The following EYS variants were observed in gnomAD, a reference collection of about 807,000 sequenced individuals.
EYS encodes EGF-like photoreceptor maintenance factor, also known as protein eyes shut homolog.
EYS carries 250 observed loss-of-function variants against 282.1 expected under a neutral mutation model. The ratio of observed to expected loss-of-function variants is 0.89; its 90% CI spans 0.80 to 0.98. The LOEUF (loss-of-function observed/expected upper bound fraction) is 0.98, where lower values mean the gene tolerates loss of function less well. EYS is among the 50% of genes least tolerant of loss of function. The pLI is 0.00. For synonymous variants in EYS, 1,355 were observed against 1,282.9 expected, an observed-to-expected ratio of 1.06 and a Z score of -1.20; for missense variants, 4,016 against 3,709.0, an observed-to-expected ratio of 1.08 and a Z score of -2.15.
rs1764469336 is a variant in EYS, at chr6:65,571,292, A to C, written c.-333+68486T>G. ...ATATATAAAAAGAGAAGGATATCTG[A>C]GAGGTAAGTTATGGCAAGGTGACCA... On this transcript the variant is annotated intron_variant, in intron 2 of 42. Coordinates refer to ENST00000503581, the MANE Select transcript of EYS (RefSeq NM_001142800.2). Among the ~76,000 whole-genome samples the C allele has an allele frequency of 3.9e-5, 6 of 152,132 alleles. No individual in the cohort carries two copies. The South Asian group carries it at 1.2e-3, about 32-fold the overall frequency.
chr6:65,179,945 A>G (rs1765330735), intron 12 of EYS, among the ~76,000 whole-genome samples: 1 of 152,122 alleles, frequency 6.6e-6, no homozygotes. Flanking sequence ...AACAGAACCA[A>G]AGACAAAAAC....
At chr6:63,944,781 A>G (rs566529428) in intron 35 of EYS, among the ~76,000 whole-genome samples, 1 of 152,102 alleles carries the variant, frequency 6.6e-6, no homozygotes, top group East Asian at 1.9e-4. Context: ...TAAAAATAAA[A>G]AAAATAGCCA....
intron 22 of EYS, among the ~76,000 whole-genome samples, chr6:64,683,136 C>G (rs141379075): frequency 2.2e-3 from 340 of 152,332 alleles, no homozygotes; most frequent in East Asian, 9.5e-3. Flanking sequence ...TCCATGTCAT[C>G]TGTCTGCTAA....
At chr6:64,252,139 A>G (rs1418213983) in intron 30 of EYS, among the ~76,000 whole-genome samples, 1 of 152,074 alleles carries the variant, frequency 6.6e-6, no homozygotes, top group Admixed American at 6.6e-5. Flanking sequence ...GAAAAGTCCC[A>G]ATTTCTCTTT....
intron 26 of EYS, among the ~76,000 whole-genome samples, chr6:64,502,412 G>A (rs1057396281): frequency 3.9e-5 from 6 of 151,994 alleles, no homozygotes; most frequent in African/African-American, 9.7e-5. Context: ...TAGTAGAGAC[G>A]GGGTTTCACC....
chr6:64,114,875 G>A lies in EYS; in HGVS notation c.6425-32873C>T, dbSNP rs139911792. Among the ~76,000 whole-genome samples the A allele has an allele frequency of 3.7e-3, 559 of 152,086 alleles. 3 individuals are homozygous for A. Among genetic ancestry groups the A allele is most frequent in the Non-Finnish European group, 6.1e-3 (415 of 67,968 alleles). ...GGGGAGGGAGATGCTGCTTCCCCTCGCCCAACCCAACAAGAAGCTACAGAT... is the reference window on the plus strand; with the variant it reads ...GGGGAGGGAGATGCTGCTTCCCCTCACCCAACCCAACAAGAAGCTACAGAT... On this transcript the variant is annotated intron_variant, in intron 31 of 42. Coordinates refer to ENST00000503581, the MANE Select transcript of EYS (RefSeq NM_001142800.2).
intron 22 of EYS, among the ~76,000 whole-genome samples, chr6:64,785,124 G>A (rs1416763739): frequency 6.6e-6 from 1 of 152,072 alleles, no homozygotes; most frequent in African/African-American, 2.4e-5. Context: ...ATCCTGAACT[G>A]CAATTTCAAG....
At chr6:65,461,807 C>T (rs1764836120) in intron 5 of EYS, among the ~76,000 whole-genome samples, 1 of 151,968 alleles carries the variant, frequency 6.6e-6, no homozygotes, top group South Asian at 2.1e-4. Flanking sequence ...AATTAAAATG[C>T]CAAGTAACAG....
chr6:65,572,348 T>C (rs1764507087), intron 2 of EYS, among the ~76,000 whole-genome samples: 1 of 152,088 alleles, frequency 6.6e-6, no homozygotes, highest in East Asian at 1.9e-4. Context: ...TGGTTCTAGA[T>C]AGAGAAACAG....
chr6:64,338,107 A>C (rs2150394750), intron 29 of EYS, among the ~76,000 whole-genome samples: 1 of 152,154 alleles, frequency 6.6e-6, no homozygotes, highest in South Asian at 2.1e-4. Flanking sequence ...CCTCTTCAAC[A>C]TAGTACTGAA....
intron 14 of EYS, among the ~76,000 whole-genome samples, chr6:64,986,513 T>A (rs10671916): frequency 1.0e-4 from 15 of 150,132 alleles, no homozygotes; most frequent in South Asian, 2.1e-4. Context: ...TTTTTTTTTT[T>A]CTAATACTTC....
intron 24 of EYS, among the ~76,000 whole-genome samples, chr6:64,604,956 T>C (rs181431087): frequency 2.1e-4 from 32 of 152,178 alleles, no homozygotes; most frequent in African/African-American, 7.2e-4. Flanking sequence ...ACATTGACTA[T>C]GTATCAAACA....
chr6:63,733,185 T>A (rs573029905), intron 41 of EYS, among the ~76,000 whole-genome samples: 2 of 152,064 alleles, frequency 1.3e-5, no homozygotes, highest in Non-Finnish European at 2.9e-5. Context: ...TCAGAGAGGT[T>A]ATGGGGACCA....
chr6:63,874,364 T>C (rs1772905182), intron 35 of EYS, among the ~76,000 whole-genome samples: 1 of 152,236 alleles, frequency 6.6e-6, no homozygotes, highest in African/African-American at 2.4e-5. Context: ...ATCTCTGTTT[T>C]GGTACCAGTA....
chr6:64,403,084 A>T (rs1340517485), intron 28 of EYS, among the ~76,000 whole-genome samples: 1 of 152,150 alleles, frequency 6.6e-6, no homozygotes, highest in Non-Finnish European at 1.5e-5. Flanking sequence ...TACTAAGATC[A>T]TTGAAAATTT....
intron 29 of EYS, among the ~76,000 whole-genome samples, chr6:64,357,105 A>T (rs759525310): frequency 4.6e-4 from 70 of 151,834 alleles, no homozygotes; most frequent in Non-Finnish European, 5.3e-4. Flanking sequence ...ACAATTAATA[A>T]GTGGGTGACA....
chr6:64,260,913 G>C (rs1194098297), intron 30 of EYS, among the ~76,000 whole-genome samples: 2 of 151,384 alleles, frequency 1.3e-5, no homozygotes, highest in African/African-American at 4.9e-5. Context: ...TACATAATAG[G>C]TATATATATT....
At chr6:65,562,917 T>A (rs1171081908) in intron 2 of EYS, among the ~76,000 whole-genome samples, 1 of 152,094 alleles carries the variant, frequency 6.6e-6, no homozygotes, top group South Asian at 2.1e-4. Flanking sequence ...GGTTTGAAGC[T>A]GATACTGATC....
chr6:64,336,385 G>A (rs1304736970), intron 29 of EYS, among the ~76,000 whole-genome samples: 1 of 151,968 alleles, frequency 6.6e-6, no homozygotes, highest in Non-Finnish European at 1.5e-5. Flanking sequence ...GACACAAAGA[G>A]GGACATTATA....
Sources: allele counts gnomAD v4.1 joint callset (sites outside exome capture counted in the v4.1 genomes callset), GRCh38; gene constraint gnomAD v4.1.1; transcripts MANE v1.5; gene names NCBI Gene and HGNC (gene_info 2026-07-23, HGNC 2026-07-21).